RPL23A: variants seen among roughly 807,000 people sequenced by gnomAD.
The protein encoded by RPL23A is large ribosomal subunit protein uL23.
Under a neutral mutation model 17.6 loss-of-function variants are expected in RPL23A, and 2 were observed. That is an observed-to-expected ratio of 0.11 (90% CI 0.05 to 0.36). The LOEUF is 0.36. Among genes scored for constraint, RPL23A ranks in the 10% least tolerant of loss-of-function variants. The probability of loss-of-function intolerance (pLI) is 1.00; values close to 1 mark genes in which losing one functional copy is unlikely to be tolerated. For missense variants in RPL23A, 132 were observed against 194.4 expected (o/e 0.68, Z 1.91); for synonymous variants, 65 against 74.3 (o/e 0.87, Z 0.65).
chr17:28,720,249 T>A (rs1295657090), intron 1 of RPL23A: 24 of 1,541,152 alleles, frequency 1.6e-5, no homozygotes, highest in Non-Finnish European at 2.0e-5. Context: ...GCGGCAGGCA[T>A]CATCCGCCAG....
intron 1 of RPL23A, 125 bp from the exon 2 acceptor site, chr17:28,720,582 C>T: frequency 3.6e-6 from 5 of 1,374,254 alleles, no homozygotes; most frequent in Non-Finnish European, 5.2e-6. Context: ...AATCTCCTGA[C>T]ACTTGTGATG....
intron 3 of RPL23A, 133 bp downstream of exon 3, chr17:28,723,032 G>T: frequency 1.5e-6 from 1 of 684,200 alleles, no homozygotes; most frequent in South Asian, 1.8e-5. Context: ...TCCGAGCTAT[G>T]CAGGAGGATC....
chr17:28,723,552 G>T lies in RPL23A; in HGVS notation c.387-19G>T. Reference sequence around the variant, plus strand: ...GGCAGTGAGGGTGGCAGGGACTAAGGCTTCCTTCTCTACCCTAGGCCTGAT... The same window carrying T: ...GGCAGTGAGGGTGGCAGGGACTAAGTCTTCCTTCTCTACCCTAGGCCTGAT... On this transcript the variant is annotated intron_variant, in intron 3 of 4. Coordinates refer to ENST00000422514, the MANE Select transcript of RPL23A (RefSeq NM_000984.6). The T allele has an allele frequency of 6.2e-7, 1 of 1,605,980 alleles. No homozygotes were observed. The highest frequency in any genetic ancestry group is 8.5e-7 in the Non-Finnish European group (1 of 1,172,644).
intron 2 of RPL23A, chr17:28,722,351 G>A (rs532244374): frequency 2.9e-6 from 1 of 350,526 alleles, no homozygotes; most frequent in South Asian, 2.2e-5. Flanking sequence ...GCTAATTTTT[G>A]TATTTTTAGT....
At chr17:28,722,993 G>A in intron 3 of RPL23A, 94 bp downstream of exon 3, 1 of 956,230 alleles carries the variant, frequency 1.0e-6, no homozygotes, top group Non-Finnish European at 1.7e-6. Context: ...TGTTTAGGTA[G>A]TCCTGGTAAT....
intron 1 of RPL23A, chr17:28,720,294 G>A (rs1262688632): frequency 6.5e-7 from 1 of 1,549,844 alleles, no homozygotes; most frequent in African/African-American, 1.4e-5. Flanking sequence ...GAAGCTACAT[G>A]CATCCACTGG....
Position 28,722,859 on chromosome 17 carries a change from C to A in RPL23A, c.346C>A (p.Leu116Met), listed in dbSNP as rs1400110001. ...CCAGATTAAACAGGCTGTGAAGAAG[C>A]TGTATGACATTGATGTGGCCAAGGT... ...KHQIKQAVKK[L>M]YDIDVAKVNT... is the part of the protein sequence containing the mutation. The change falls in exon 3 of 5, where the codon CTG (leucine) becomes ATG (methionine). Residue 116 changes from leucine (L) to methionine (M), a missense_variant. Around this residue, in one of 2 missense-constraint regions of RPL23A, gnomAD observed 69 missense variants for 145.5 expected, o/e 0.47. Coordinates refer to ENST00000422514, the MANE Select transcript of RPL23A (RefSeq NM_000984.6). The A allele has an allele frequency of 1.9e-6, 3 of 1,613,902 alleles. No individual in the cohort carries two copies. In the South Asian group the frequency reaches 3.3e-5, roughly 18 times the overall value.
At chr17:28,721,239 C>T (rs1361114679) in intron 2 of RPL23A, 1 of 230,290 alleles carries the variant, frequency 4.3e-6, no homozygotes, top group South Asian at 5.2e-5. Flanking sequence ...GTAATCCCAG[C>T]TACTCGCGGG....
chr17:28,723,266 T>C (rs1236085568), intron 3 of RPL23A: 4 of 562,724 alleles, frequency 7.1e-6, no homozygotes, highest in Non-Finnish European at 9.7e-6. Context: ...CCTGAGGCTT[T>C]CTAGGACTTG....
At chr17:28,722,089 C>T (rs1220063411) in intron 2 of RPL23A, among the ~76,000 whole-genome samples, 2 of 151,028 alleles carry the variant, frequency 1.3e-5, no homozygotes, top group African/African-American at 4.9e-5. Flanking sequence ...ACTAAAAATA[C>T]AAAAAAAATT....
At chr17:28,723,311 T>C (rs897380616) in intron 3 of RPL23A, 2 of 651,934 alleles carry the variant, frequency 3.1e-6, no homozygotes, top group Non-Finnish European at 5.7e-6. Flanking sequence ...GGGTCCCTAC[T>C]TCTATTGGGA....
At chr17:28,720,396 C>T in intron 1 of RPL23A, 2 of 1,584,596 alleles carry the variant, frequency 1.3e-6, no homozygotes, top group Non-Finnish European at 1.7e-6. Context: ...GCTACATTAC[C>T]CGCCCCTCTC....
At chr17:28,723,829 T>G in intron 4 of RPL23A, 38 bp from the exon 5 acceptor site, 1 of 1,592,226 alleles carries the variant, frequency 6.3e-7, no homozygotes, top group African/African-American at 1.3e-5. Flanking sequence ...AATCTTCATA[T>G]TTCAACTCCA....
chr17:28,723,061 C>T lies in RPL23A; in HGVS notation c.386+162C>T, dbSNP rs1284383533. Among the ~76,000 whole-genome samples the T allele has an allele frequency of 5.3e-5, 8 of 151,386 alleles. No homozygotes were observed. The East Asian group carries it at 1.4e-3, about 26-fold the overall frequency. On this transcript the variant is annotated intron_variant, in intron 3 of 4. Coordinates refer to ENST00000422514, the MANE Select transcript of RPL23A (RefSeq NM_000984.6). ...GAGGATCTCTTGAGGCCAGGAATCA[C>T]CCATGATTGCCCCATTGTACTCCAG... is the stretch of plus-strand genomic sequence containing the variant.
chr17:28,721,007 C>A, intron 2 of RPL23A, 117 bp downstream of exon 2: 1 of 874,466 alleles, frequency 1.1e-6, no homozygotes, highest in Non-Finnish European at 1.8e-6. Flanking sequence ...GTGTGCTTCT[C>A]TAATTGGAAG....
At chr17:28,721,505 T>G (rs2034114460) in intron 2 of RPL23A, 1 of 153,166 alleles carries the variant, frequency 6.5e-6, no homozygotes, top group Non-Finnish European at 1.5e-5. Flanking sequence ...GGAACAATCC[T>G]TGAGGGTGAG....
At position 28,722,707 on chromosome 17, in the gene RPL23A, A is replaced by G; in HGVS notation, c.210-16A>G. ...GAATGGGCCCAGGCCAGGTGACCCCATTTTGCCTCTCCCAGGCTTGACCAC... is the reference window on the plus strand; with the variant it reads ...GAATGGGCCCAGGCCAGGTGACCCCGTTTTGCCTCTCCCAGGCTTGACCAC... On this transcript the variant is annotated splice_polypyrimidine_tract_variant and intron_variant, in intron 2 of 4. Transcript: ENST00000422514. 1.9e-6 allele frequency: 3 copies of G among 1,613,718 alleles called. No homozygotes were observed. Among genetic ancestry groups the G allele is most frequent in the Non-Finnish European group, 2.5e-6 (3 of 1,179,680 alleles).
At position 28,720,035 on chromosome 17, in the gene RPL23A, G is replaced by T; in HGVS notation, c.25+5G>T. 1 of 1,551,766 alleles carries T rather than the reference G, an allele frequency of 6.4e-7. No individual in the cohort carries two copies. The highest frequency in any genetic ancestry group is 8.7e-7 in the Non-Finnish European group (1 of 1,147,076). ...CGCCGAAAGCGAAGAAGGAAGGTGT[G>T]TGTTGGTGATGGGGCCGCAGCTGGT... is the stretch of plus-strand genomic sequence containing the variant. On this transcript the variant is annotated splice_donor_5th_base_variant and intron_variant, in intron 1 of 4. Coordinates refer to ENST00000422514, the MANE Select transcript of RPL23A (RefSeq NM_000984.6).
In RPL23A at chr17:28,720,000, C is replaced by A. The variant is rs2034065706; in HGVS notation, c.-6C>A. ...GGGAACGAGCATTGGAGACCCTTTT[C>A]ACAAGATGGCGCCGAAAGCGAAGAA... On this transcript the variant is annotated 5_prime_UTR_variant, in exon 1 of 5. Coordinates refer to ENST00000422514, the MANE Select transcript of RPL23A (RefSeq NM_000984.6). 6.4e-7 allele frequency: 1 copy of A among 1,551,922 alleles called. No homozygotes were observed. The highest frequency in any genetic ancestry group is 1.4e-5 in the African/African-American group (1 of 73,184).
Sources: allele counts gnomAD v4.1 joint callset (sites outside exome capture counted in the v4.1 genomes callset), GRCh38; gene constraint gnomAD v4.1.1; regional missense constraint gnomAD v4.1.1; transcripts MANE v1.5; gene names NCBI Gene and HGNC (gene_info 2026-07-23, HGNC 2026-07-21).